The following NHSL2 variants were observed in gnomAD, a reference collection of about 807,000 sequenced individuals.
NHSL2 encodes NHS like 2.
NHSL2 carries 27 observed loss-of-function variants against 53.4 expected under a neutral mutation model. The ratio of observed to expected loss-of-function variants is 0.51; its 90% CI spans 0.37 to 0.70. The LOEUF (loss-of-function observed/expected upper bound fraction) is 0.70, where lower values mean the gene tolerates loss of function less well. NHSL2 is among the 30% of genes least tolerant of loss of function. The pLI is 0.00. For missense variants in NHSL2, 892 were observed against 980.1 expected, an observed-to-expected ratio of 0.91 and a Z score of 1.20; for synonymous variants, 408 against 404.1, an observed-to-expected ratio of 1.01 and a Z score of -0.12.
At chrX:72,071,510 A>T (rs1220002552) in intron 1 of NHSL2, among the ~76,000 whole-genome samples, 1 of 111,771 alleles carries the variant, frequency 8.9e-6, no homozygotes, top group Non-Finnish European at 1.9e-5. Context: ...GTCATCCTAG[A>T]CGTAGTAGCT....
intron 1 of NHSL2, among the ~76,000 whole-genome samples, chrX:71,970,716 A>T (rs1457718098): frequency 6.6e-5 from 5 of 75,366 alleles, no homozygotes; most frequent in African/African-American, 9.6e-5. Context: ...CTCTTTTATT[A>T]TTTCCTTCCT....
At chrX:72,048,076 A>G (rs201110288) in intron 1 of NHSL2, among the ~76,000 whole-genome samples, 45 of 3,808 alleles carry the variant, frequency 0.012, 1 homozygote, top group Middle Eastern at 0.2. Flanking sequence ...TGATGATAAC[A>G]ATAATAATAA....
At chrX:71,959,503 A>G (rs1000398911) in intron 1 of NHSL2, among the ~76,000 whole-genome samples, 2 of 111,992 alleles carry the variant, frequency 1.8e-5, no homozygotes, top group Non-Finnish European at 3.8e-5. Flanking sequence ...GTACAATTTA[A>G]TGGTTTTTAT....
intron 1 of NHSL2, among the ~76,000 whole-genome samples, chrX:72,075,865 G>A (rs1160413856): frequency 3.7e-5 from 4 of 108,836 alleles, no homozygotes; most frequent in Non-Finnish European, 5.7e-5. Context: ...TCAATGAGGC[G>A]GTGAGAGGGA....
intron 1 of NHSL2, among the ~76,000 whole-genome samples, chrX:72,059,249 C>G (rs1180520437): frequency 9.0e-6 from 1 of 110,697 alleles, no homozygotes; most frequent in African/African-American, 3.3e-5. Context: ...TGAGGCAAGC[C>G]TTCATCATGT....
intron 1 of NHSL2, among the ~76,000 whole-genome samples, chrX:72,010,789 T>C (rs2042112275): frequency 8.9e-6 from 1 of 111,955 alleles, no homozygotes. Context: ...CACCCAGTTT[T>C]CCTCAATAAT....
intron 1 of NHSL2, among the ~76,000 whole-genome samples, chrX:71,975,911 G>A (rs1234403338): frequency 8.9e-6 from 1 of 111,835 alleles, no homozygotes; most frequent in Non-Finnish European, 1.9e-5. Flanking sequence ...ACTTTTAAAT[G>A]TTGAAAACTA....
At chrX:72,130,251 C>T in intron 1 of NHSL2, 1 of 1,208,988 alleles carries the variant, frequency 8.3e-7, no homozygotes, top group Non-Finnish European at 1.1e-6. Context: ...GTTTCTGGCC[C>T]CCATCCTCAT....
intron 1 of NHSL2, among the ~76,000 whole-genome samples, chrX:72,083,522 G>C (rs7050652): frequency 0.15 from 16,948 of 111,527 alleles, 1,520 homozygotes; most frequent in East Asian, 0.36. Flanking sequence ...CAGGCCTCAG[G>C]CTCAAAGACA....
chrX:72,034,962 C>T (rs2147913618), intron 1 of NHSL2, among the ~76,000 whole-genome samples: 1 of 111,492 alleles, frequency 9.0e-6, no homozygotes, highest in Admixed American at 9.5e-5. Flanking sequence ...TTGGGTTTAT[C>T]TTTCTCTTCT....
Position 72,140,770 on chromosome X carries a change from G to A in NHSL2, c.3222G>A (p.Leu1074=). The A allele has an allele frequency of 9.5e-6, 11 of 1,162,682 alleles. No homozygotes were observed. The highest frequency in any genetic ancestry group is 1.3e-5 in the Non-Finnish European group (11 of 870,046). Residue 1074 remains leucine, a splice_region_variant and synonymous_variant, in exon 6 of 8, where the codon CTG becomes CTA. Coordinates refer to ENST00000633930, the MANE Select transcript of NHSL2 (RefSeq NM_001013627.3). ...ACAGTGAAAGGGAGGCAAGCCCTCT[G>A]GGTTAGTAAACTGTCTGCTGGCTTT... ...QADSEREASP[L]GSSVEPGTEE... is the part of the protein sequence containing the mutation.
At chrX:72,108,217 C>G (rs2042061910) in intron 1 of NHSL2, among the ~76,000 whole-genome samples, 1 of 111,968 alleles carries the variant, frequency 8.9e-6, no homozygotes. Context: ...TTATCCTAGC[C>G]ATGGCAGTAG....
chrX:71,925,669 A>G (rs1274350199), intron 1 of NHSL2, among the ~76,000 whole-genome samples: 2 of 111,971 alleles, frequency 1.8e-5, no homozygotes, highest in Non-Finnish European at 3.8e-5. Flanking sequence ...ACAAAAACCC[A>G]TGTTTTTATT....
At chrX:72,064,638 G>C (rs1196325520) in intron 1 of NHSL2, among the ~76,000 whole-genome samples, 1 of 111,770 alleles carries the variant, frequency 8.9e-6, no homozygotes, top group African/African-American at 3.3e-5. Flanking sequence ...AGTACAGAGG[G>C]GTACAGCCAG....
chrX:72,033,583 A>G (rs2042227007), intron 1 of NHSL2, among the ~76,000 whole-genome samples: 1 of 112,368 alleles, frequency 8.9e-6, no homozygotes, highest in Admixed American at 9.4e-5. Flanking sequence ...ACCAGCATTT[A>G]GTCATATTCA....
At position 72,142,252 on chromosome X, in the gene NHSL2, A is replaced by G. The variant is rs1448784295; in HGVS notation, c.3244A>G (p.Thr1082Ala). 1 of 1,161,880 alleles carries G rather than the reference A, an allele frequency of 8.6e-7. No homozygotes were observed. Among genetic ancestry groups the G allele is most frequent in the African/African-American group, 1.8e-5 (1 of 55,508 alleles). The change falls in exon 7 of 8, where the codon ACC becomes GCC. Residue 1082 changes from threonine to alanine, a missense_variant. By Grantham distance (58) the Thr-to-Ala change is moderately conservative. Coordinates refer to ENST00000633930, the MANE Select transcript of NHSL2 (RefSeq NM_001013627.3). The part of the protein sequence containing the change: ...SPLGSSVEPG[T>A]EEKSLISDKT... ...TCTAGGGAGTTCTGTGGAACCAGGC[A>G]CCGAAGAAAAAAGTTTAATCAGTGA...
At chrX:72,025,512 C>T (rs1182201979) in intron 1 of NHSL2, among the ~76,000 whole-genome samples, 1 of 112,605 alleles carries the variant, frequency 8.9e-6, no homozygotes, top group African/African-American at 3.2e-5. Context: ...GCCTTGTCTA[C>T]AGTCACCAGC....
At chrX:72,129,552 C>G (rs1355987846) in intron 1 of NHSL2, 6 of 331,355 alleles carry the variant, frequency 1.8e-5, no homozygotes, top group Non-Finnish European at 2.6e-5. Context: ...GGAACAGGCC[C>G]AGAAACTTGC....
rs1417869054 is a variant in NHSL2, at chrX:72,148,020, T to G, written c.*4446T>G. On this transcript the variant is annotated 3_prime_UTR_variant, in exon 8 of 8. Transcript: ENST00000633930. ...AAATATCTTAATCGCCTGGAATCATTTGAGTTACTAGCTGATGGTCAATTA... is the reference window on the plus strand; with the variant it reads ...AAATATCTTAATCGCCTGGAATCATGTGAGTTACTAGCTGATGGTCAATTA... 1 of 111,756 alleles carries G rather than the reference T, an allele frequency of 8.9e-6. No individual in the cohort carries two copies. The highest frequency in any genetic ancestry group is 1.9e-5 in the Non-Finnish European group (1 of 53,227). 9.2% of individuals were successfully genotyped at this position (111,756 alleles called of 1,213,427 possible). A position where few individuals can be genotyped will look rare whatever the true frequency, so the allele number is the denominator to read the frequency against.
Sources: gnomAD v4.1 joint callset for allele counts (sites outside exome capture counted in the v4.1 genomes callset) on GRCh38, gnomAD v4.1.1 for gene constraint, MANE v1.5 for transcripts, NCBI Gene and HGNC (gene_info 2026-07-23, HGNC 2026-07-21) for gene names.